The following TEC variants were observed in gnomAD, a reference collection of about 807,000 sequenced individuals.
The protein encoded by TEC is tyrosine-protein kinase Tec.
A neutral mutation model predicts 93.0 loss-of-function variants in TEC; 72 were observed. The ratio of observed to expected loss-of-function variants is 0.77; its 90% CI spans 0.64 to 0.94. The LOEUF (loss-of-function observed/expected upper bound fraction) is 0.94. Among genes scored for constraint, TEC ranks in the 40% least tolerant of loss-of-function variants. TEC has a pLI of 0.00. For synonymous variants in TEC, 249 were observed against 247.7 expected, an observed-to-expected ratio of 1.01 and a Z score of -0.05; for missense variants, 630 against 757.9, an observed-to-expected ratio of 0.83 and a Z score of 1.98.
At chr4:48,217,478 C>CATTA (rs757354619) in intron 2 of TEC, among the ~76,000 whole-genome samples, 2 of 152,108 alleles carry the variant, frequency 1.3e-5, no homozygotes, top group Non-Finnish European at 2.9e-5. Context: ...ACCTTCAGCT[C>CATTA]CTAATGATAA....
At position 48,137,315 on chromosome 4, in the gene TEC, G is replaced by C; in HGVS notation, c.*101C>G. On this transcript the variant is annotated 3_prime_UTR_variant, in exon 18 of 18. Coordinates refer to ENST00000381501, the MANE Select transcript of TEC (RefSeq NM_003215.3). ...TTATTTATGTGTTTCCACTGTATAA[G>C]TAAAATGATCTACATGTCCAAGTGC... 1 of 908,454 alleles carries C rather than the reference G, an allele frequency of 1.1e-6. No individual in the cohort carries two copies. Among genetic ancestry groups the C allele is most frequent in the Non-Finnish European group, 1.7e-6 (1 of 575,952 alleles). 56.3% of individuals were successfully genotyped at this position (908,454 alleles called of 1,614,324 possible).
intron 2 of TEC, among the ~76,000 whole-genome samples, chr4:48,217,146 C>T (rs975363884): frequency 2.6e-5 from 4 of 152,076 alleles, no homozygotes; most frequent in Non-Finnish European, 5.9e-5. Flanking sequence ...CCCTGTCACC[C>T]AGGTGGGAGC....
At chr4:48,155,870 G>C (rs1365112159) in intron 9 of TEC, 5 of 152,182 alleles carry the variant, frequency 3.3e-5, no homozygotes, top group Non-Finnish European at 4.4e-5. Flanking sequence ...CTACTCTGAA[G>C]AAGAGTCAAG....
At chr4:48,183,734 C>A (rs1377412442) in intron 2 of TEC, among the ~76,000 whole-genome samples, 1 of 152,194 alleles carries the variant, frequency 6.6e-6, no homozygotes, top group Non-Finnish European at 1.5e-5. Context: ...GACTTCTCAG[C>A]CTCCATAATC....
intron 1 of TEC, among the ~76,000 whole-genome samples, chr4:48,259,996 C>T (rs561743913): frequency 6.6e-6 from 1 of 152,178 alleles, no homozygotes; most frequent in Non-Finnish European, 1.5e-5. Context: ...AGTTACATAA[C>T]AACTCTTCCA....
At chr4:48,145,681 A>T (rs1719878667) in intron 12 of TEC, 102 bp from the exon 13 acceptor site, 1 of 1,205,968 alleles carries the variant, frequency 8.3e-7, no homozygotes, top group African/African-American at 1.5e-5. Flanking sequence ...CCTCAAAATT[A>T]CAGGATAACA....
chr4:48,209,844 A>G (rs1722838233), intron 2 of TEC, among the ~76,000 whole-genome samples: 1 of 152,252 alleles, frequency 6.6e-6, no homozygotes, highest in Admixed American at 6.5e-5. Flanking sequence ...GGAAGAACTT[A>G]GAGAACATAA....
rs551134535 is a variant in TEC at position 48,246,894 on chromosome 4, AG to A, written c.-45-18236del. ...AAAGCATAAGCAAGAAAAGAAAAAT[AG>A]GTAAGTAGGACTTCATCAACTTAAA... is the stretch of plus-strand genomic sequence containing the variant. On this transcript the variant is annotated intron_variant, in intron 1 of 17. Transcript: ENST00000381501. Among the ~76,000 whole-genome samples the A allele has an allele frequency of 2.0e-3, 300 of 152,346 alleles. 4 individuals are homozygous for A. Among genetic ancestry groups the A allele is most frequent in the African/African-American group, 6.6e-3 (273 of 41,588 alleles).
At chr4:48,243,798 C>T (rs1322871641) in intron 1 of TEC, among the ~76,000 whole-genome samples, 8 of 151,900 alleles carry the variant, frequency 5.3e-5, no homozygotes, top group Non-Finnish European at 7.4e-5. Flanking sequence ...CGGGGAACAA[C>T]GCACACTGGG....
At chr4:48,225,730 T>TA (rs1434301639) in intron 2 of TEC, among the ~76,000 whole-genome samples, 1 of 151,758 alleles carries the variant, frequency 6.6e-6, no homozygotes, top group Non-Finnish European at 1.5e-5. Context: ...CTTTTTTTTT[T>TA]ACTACTGACA....
At chr4:48,189,854 T>A (rs1013594119) in intron 2 of TEC, among the ~76,000 whole-genome samples, 1 of 152,222 alleles carries the variant, frequency 6.6e-6, no homozygotes, top group Non-Finnish European at 1.5e-5. Context: ...CAATGACCAC[T>A]ATACCATGTT....
At chr4:48,221,008 C>G (rs1045308364) in intron 2 of TEC, among the ~76,000 whole-genome samples, 5 of 152,194 alleles carry the variant, frequency 3.3e-5, no homozygotes, top group African/African-American at 9.7e-5. Context: ...TTCCCACAAC[C>G]CCCTCCTTGG....
intron 2 of TEC, among the ~76,000 whole-genome samples, chr4:48,210,498 G>GAGT (rs796704527): frequency 1.2e-4 from 18 of 150,400 alleles, no homozygotes; most frequent in African/African-American, 4.4e-4. Flanking sequence ...AAAAAAAATG[G>GAGT]AGGAGGAGGA....
intron 4 of TEC, among the ~76,000 whole-genome samples, chr4:48,171,165 T>C (rs933623286): frequency 1.3e-5 from 2 of 152,172 alleles, no homozygotes; most frequent in Admixed American, 6.5e-5. Context: ...TATATGCTAC[T>C]AGAAAAAAAT....
chr4:48,155,133 A>C (rs890357429), intron 9 of TEC, among the ~76,000 whole-genome samples: 1 of 152,216 alleles, frequency 6.6e-6, no homozygotes, highest in African/African-American at 2.4e-5. Flanking sequence ...AAAGGTTTAT[A>C]AGACTATGAA....
At chr4:48,238,612 C>A (rs984965590) in intron 1 of TEC, among the ~76,000 whole-genome samples, 2 of 150,878 alleles carry the variant, frequency 1.3e-5, no homozygotes, top group Non-Finnish European at 2.9e-5. Flanking sequence ...AGAGTGCTGC[C>A]CTAGGAATAG....
chr4:48,137,230 C>G lies in TEC; in HGVS notation c.*186G>C. The G allele has an allele frequency of 5.2e-6, 3 of 575,434 alleles. No individual in the cohort carries two copies. Among genetic ancestry groups the G allele is most frequent in the Non-Finnish European group, 6.2e-6 (2 of 324,464 alleles). 35.6% of individuals were successfully genotyped at this position (575,434 alleles called of 1,614,324 possible). A position where few individuals can be genotyped will look rare whatever the true frequency, so the allele number is the denominator to read the frequency against. ...AATCACCATTTCTAAGGCAACATTT[C>G]CACACTCTGGGAGATTCTGTCTAGA... On this transcript the variant is annotated 3_prime_UTR_variant, in exon 18 of 18. Transcript: ENST00000381501.
intron 1 of TEC, among the ~76,000 whole-genome samples, chr4:48,260,618 A>G (rs7676466): frequency 0.36 from 20,535 of 56,736 alleles, 1,645 homozygotes; most frequent in Non-Finnish European, 0.54. Context: ...ACAAAAAAAA[A>G]GAAAAAAAAA....
At chr4:48,190,337 T>C (rs776776380) in intron 2 of TEC, among the ~76,000 whole-genome samples, 1 of 152,208 alleles carries the variant, frequency 6.6e-6, no homozygotes, top group Non-Finnish European at 1.5e-5. Context: ...AATTTCAATT[T>C]ATCATTACAC....
Sources: gnomAD v4.1 joint callset for allele counts (sites outside exome capture counted in the v4.1 genomes callset) on GRCh38, gnomAD v4.1.1 for gene constraint, MANE v1.5 for transcripts, NCBI Gene and HGNC (gene_info 2026-07-23, HGNC 2026-07-21) for gene names.